Variants in TGFBR3 observed in about 807,000 individuals in gnomAD.
TGFBR3 encodes transforming growth factor beta receptor type 3.
TGFBR3 carries 46 observed loss-of-function variants against 87.9 expected under a neutral mutation model. That is an observed-to-expected ratio of 0.52 (90% CI 0.41 to 0.67). TGFBR3 has a LOEUF of 0.67. Among genes scored for constraint, TGFBR3 ranks in the 30% least tolerant of loss-of-function variants. The probability of loss-of-function intolerance (pLI) is 0.00; values close to 1 mark genes in which losing one functional copy is unlikely to be tolerated. For missense variants in TGFBR3, 866 were observed against 1,041.9 expected (o/e 0.83, Z 2.32); for synonymous variants, 381 against 391.6 (o/e 0.97, Z 0.32).
intron 3 of TGFBR3, among the ~76,000 whole-genome samples, chr1:91,771,335 G>T (rs576542157): frequency 3.9e-5 from 6 of 152,200 alleles, no homozygotes; most frequent in Non-Finnish European, 8.8e-5. Context: ...ATTTTTACAG[G>T]AATTAAAAAC....
chr1:91,737,030 C>T (rs184214412), intron 4 of TGFBR3, among the ~76,000 whole-genome samples: 33 of 152,256 alleles, frequency 2.2e-4, no homozygotes, highest in African/African-American at 2.4e-5. Flanking sequence ...AATTAAAGAG[C>T]GATGCCGTGA....
intron 1 of TGFBR3, among the ~76,000 whole-genome samples, chr1:91,869,143 G>T (rs953803680): frequency 1.3e-5 from 2 of 152,184 alleles, no homozygotes; most frequent in African/African-American, 4.8e-5. Flanking sequence ...CTTCTTGAAG[G>T]AAGCCTCCTC....
At chr1:91,887,093 G>T (rs1241820891), upstream of TGFBR3, among the ~76,000 whole-genome samples, 1 of 152,056 alleles carries the variant, frequency 6.6e-6, no homozygotes, top group Non-Finnish European at 1.5e-5. Context: ...TGGACTGACA[G>T]GTTTCAAAGA....
intron 2 of TGFBR3, among the ~76,000 whole-genome samples, chr1:91,806,929 C>T (rs78034349): frequency 0.016 from 2,409 of 152,296 alleles, 108 homozygotes; most frequent in East Asian, 0.14. Flanking sequence ...TAAGAAAGGG[C>T]ACCCAGGATG....
At chr1:91,821,147 TG>T (rs1676436785) in intron 2 of TGFBR3, among the ~76,000 whole-genome samples, 1 of 151,996 alleles carries the variant, frequency 6.6e-6, no homozygotes, top group African/African-American at 2.4e-5. Context: ...CTGGCCAACA[TG>T]GTGAAACCCT....
chr1:91,798,643 G>A (rs1375162751), intron 2 of TGFBR3, among the ~76,000 whole-genome samples: 1 of 152,190 alleles, frequency 6.6e-6, no homozygotes, highest in Non-Finnish European at 1.5e-5. Flanking sequence ...AGCCACTGGT[G>A]TACACATCCA....
At chr1:91,848,116 C>T (rs146573794) in intron 2 of TGFBR3, among the ~76,000 whole-genome samples, 50 of 152,150 alleles carry the variant, frequency 3.3e-4, no homozygotes, top group African/African-American at 1.1e-3. Flanking sequence ...CTGACCCAAA[C>T]AAGTTTACCA....
intron 1 of TGFBR3, among the ~76,000 whole-genome samples, chr1:91,882,419 G>A (rs1679125641): frequency 6.6e-6 from 1 of 151,354 alleles, no homozygotes; most frequent in African/African-American, 2.4e-5. Flanking sequence ...TTACAGGCGT[G>A]AGCCACCACA....
intron 2 of TGFBR3, among the ~76,000 whole-genome samples, chr1:91,819,739 C>G (rs1415692966): frequency 6.6e-6 from 1 of 152,180 alleles, no homozygotes; most frequent in Non-Finnish European, 1.5e-5. Context: ...TTTACCACCC[C>G]CTCCCTCCCC....
intron 16 of TGFBR3, among the ~76,000 whole-genome samples, chr1:91,692,684 T>C (rs968249204): frequency 6.6e-6 from 1 of 152,070 alleles, no homozygotes; most frequent in Non-Finnish European, 1.5e-5. Context: ...GAATGTAAGT[T>C]TTAGGAATGG....
chr1:91,758,693 A>G lies in TGFBR3; in HGVS notation c.304T>C (p.Phe102Leu). The change falls in exon 4 of 17, where the codon TTC (phenylalanine) becomes CTC (leucine). Residue 102 changes from phenylalanine to leucine, a missense_variant. Transcript: ENST00000212355. ...AGGGGGTGTGGGGAGTTGAGCAGGA[A>G]CACAACAGACTTGTGGTGGATGTGG... ...SVHIHHKSVV[F>L]LLNSPHPLVW... is the part of the protein sequence containing the mutation. 6.2e-7 allele frequency: 1 copy of G among 1,614,026 alleles called. No individual in the cohort carries two copies. Among genetic ancestry groups the G allele is most frequent in the Non-Finnish European group, 8.5e-7 (1 of 1,179,936 alleles).
intron 14 of TGFBR3, among the ~76,000 whole-genome samples, chr1:91,698,603 G>A (rs1671510564): frequency 6.7e-6 from 1 of 149,898 alleles, no homozygotes; most frequent in South Asian, 2.1e-4. Context: ...CCGCCTCCCA[G>A]GCAATCCTTC....
In TGFBR3 at chr1:91,753,114, T is replaced by C. The variant is rs371816687; in HGVS notation, c.384+5499A>G. On this transcript the variant is annotated intron_variant, in intron 4 of 16. Coordinates refer to ENST00000212355, the MANE Select transcript of TGFBR3 (RefSeq NM_003243.5). Reference sequence around the variant, plus strand: ...TAAAAACCTAGTCCCTGCCCAGCACTGTGGCTCGCGCCTATAAACCCAGCA... The same window carrying C: ...TAAAAACCTAGTCCCTGCCCAGCACCGTGGCTCGCGCCTATAAACCCAGCA... 9.9e-5 allele frequency among the ~76,000 whole-genome samples: 15 copies of C among 151,258 alleles called. No homozygotes were observed. The East Asian group carries it at 1.2e-3, about 12-fold the overall frequency.
At chr1:91,721,703 T>C (rs1045689754) in intron 8 of TGFBR3, among the ~76,000 whole-genome samples, 2 of 152,170 alleles carry the variant, frequency 1.3e-5, no homozygotes, top group Non-Finnish European at 2.9e-5. Context: ...AAGAACCTAA[T>C]GTAATCACAC....
intron 2 of TGFBR3, chr1:91,829,859 T>A (rs1289196054): frequency 6.6e-6 from 1 of 152,222 alleles, no homozygotes; most frequent in Non-Finnish European, 1.5e-5. Flanking sequence ...GATGGGAGTT[T>A]CGACCTGCTC....
At chr1:91,719,233 G>A in intron 10 of TGFBR3, 79 bp downstream of exon 10, 1 of 1,596,660 alleles carries the variant, frequency 6.3e-7, no homozygotes. Context: ...CATCTTCAAA[G>A]AAATGTTAAG....
chr1:91,834,926 T>C (rs558435631), intron 2 of TGFBR3, among the ~76,000 whole-genome samples: 1 of 152,338 alleles, frequency 6.6e-6, no homozygotes, highest in African/African-American at 2.4e-5. Flanking sequence ...GTGATCCACC[T>C]GCCTCAGCCT....
At position 91,722,015 on chromosome 1, in the gene TGFBR3, T is replaced by C; in HGVS notation, c.1015A>G (p.Ile339Val). ...KWALDNGYSPITSYTMAPVAN... is the reference protein window; with the variant it reads ...KWALDNGYSPVTSYTMAPVAN... Reference sequence around the variant, plus strand: ...ACAGGAGCCATTGTGTATGAAGTTATTGGACTATAGCCATTGTCCAAAGCC... The same window carrying C: ...ACAGGAGCCATTGTGTATGAAGTTACTGGACTATAGCCATTGTCCAAAGCC... The change falls in exon 8 of 17, where the codon ATA (isoleucine) becomes GTA (valine). Residue 339 changes from isoleucine (I) to valine (V), a missense_variant. Ile to Val is a conservative substitution (Grantham distance 29, BLOSUM62 3). Coordinates refer to ENST00000212355, the MANE Select transcript of TGFBR3 (RefSeq NM_003243.5). 6.2e-7 allele frequency: 1 copy of C among 1,613,700 alleles called. No homozygotes were observed. Among genetic ancestry groups the C allele is most frequent in the Non-Finnish European group, 8.5e-7 (1 of 1,179,820 alleles).
At chr1:91,768,508 T>C (rs1571490681) in intron 3 of TGFBR3, among the ~76,000 whole-genome samples, 1 of 152,144 alleles carries the variant, frequency 6.6e-6, no homozygotes, top group African/African-American at 2.4e-5. Context: ...TAATCCCCAA[T>C]GTTGGAGGTG....
Sources: allele counts gnomAD v4.1 joint callset (sites outside exome capture counted in the v4.1 genomes callset), GRCh38; gene constraint gnomAD v4.1.1; transcripts MANE v1.5; gene names NCBI Gene and HGNC (gene_info 2026-07-23, HGNC 2026-07-21).